Variants in KAZN observed in about 807,000 individuals in gnomAD.
KAZN encodes the protein kazrin, periplakin interacting protein.
In KAZN, 40 loss-of-function variants were observed where a neutral mutation model predicts 87.4. That is an observed-to-expected ratio of 0.46 (90% CI 0.36 to 0.60). The LOEUF is 0.60. Ranked by LOEUF, KAZN falls within the 20% of genes least tolerant of loss-of-function variation. The pLI is 0.00. For missense variants in KAZN, 898 were observed against 1,073.9 expected, an observed-to-expected ratio of 0.84 and a Z score of 2.29; for synonymous variants, 466 against 458.3, an observed-to-expected ratio of 1.02 and a Z score of -0.22.
At chr1:14,304,622 A>T in intron 2 of KAZN, 1 of 398,472 alleles carries the variant, frequency 2.5e-6, no homozygotes, top group Non-Finnish European at 4.4e-6. Flanking sequence ...CAATGAATTC[A>T]TTTCAATGCA....
intron 2 of KAZN, among the ~76,000 whole-genome samples, chr1:14,418,576 A>G (rs1665036735): frequency 6.6e-6 from 1 of 152,240 alleles, no homozygotes; most frequent in South Asian, 2.1e-4. Context: ...ACCATCAGGC[A>G]AGGAAAATGA....
chr1:14,885,261 A>G (rs1239542083), intron 1 of KAZN, among the ~76,000 whole-genome samples: 1 of 151,882 alleles, frequency 6.6e-6, no homozygotes, highest in African/African-American at 2.4e-5. Context: ...TTCGTGGCCC[A>G]GCTCCCCCTA....
At chr1:14,621,285 G>A (rs954675170) in intron 1 of KAZN, among the ~76,000 whole-genome samples, 1 of 152,230 alleles carries the variant, frequency 6.6e-6, no homozygotes, top group African/African-American at 2.4e-5. Flanking sequence ...TGTGCTGCAA[G>A]TGTATTATTT....
intron 2 of KAZN, among the ~76,000 whole-genome samples, chr1:14,443,148 G>C (rs947694433): frequency 2.6e-5 from 4 of 152,108 alleles, no homozygotes; most frequent in African/African-American, 9.7e-5. Flanking sequence ...AACGTGATCT[G>C]GGCTTCCCAA....
intron 2 of KAZN, among the ~76,000 whole-genome samples, chr1:14,514,584 T>TATAGGAAATATATA (rs1210009776): frequency 3.1e-5 from 1 of 32,076 alleles, no homozygotes; most frequent in Non-Finnish European, 6.1e-5. Context: ...TTTTATATAT[T>TATAGGAAATATATA]TTTTTATATT....
At chr1:14,944,209 G>A (rs1395085730) in intron 1 of KAZN, among the ~76,000 whole-genome samples, 3 of 134,258 alleles carry the variant, frequency 2.2e-5, no homozygotes, top group East Asian at 2.1e-4. Flanking sequence ...GCCTCTTCCC[G>A]CTCCCAGCTC....
Position 14,996,965 on chromosome 1 carries a change from C to T in KAZN, c.418+36090C>T, listed in dbSNP as rs1244647092. On this transcript the variant is annotated intron_variant, in intron 2 of 14. Transcript: ENST00000376030. The surrounding 1 kb of genome is among the most constrained non-coding windows in gnomAD (Gnocchi z 5.9). ...AATGCTCTGAGGCTGTGTGTTCCCC[C>T]AGGCACCCTGTGCTTTGCTGATCCC... 1.3e-5 allele frequency among the ~76,000 whole-genome samples: 2 copies of T among 152,188 alleles called. No homozygotes were observed. Among genetic ancestry groups the T allele is most frequent in the Admixed American group, 1.3e-4 (2 of 15,282 alleles).
chr1:14,940,095 T>C (rs569104338), intron 1 of KAZN, among the ~76,000 whole-genome samples: 2 of 152,290 alleles, frequency 1.3e-5, no homozygotes, highest in East Asian at 3.9e-4. Flanking sequence ...CAGGTGACCA[T>C]CTTGGTTCAG....
intron 2 of KAZN, among the ~76,000 whole-genome samples, chr1:14,296,363 C>G (rs1480593195): frequency 6.6e-6 from 1 of 152,098 alleles, no homozygotes; most frequent in Admixed American, 6.6e-5. Context: ...CTGCATCAGC[C>G]TGTCTGGGCC....
intron 1 of KAZN, among the ~76,000 whole-genome samples, chr1:14,842,544 A>G (rs1648145660): frequency 6.6e-6 from 1 of 152,188 alleles, no homozygotes. Flanking sequence ...TCATCGAGTG[A>G]AATATTCCCA....
At chr1:14,776,773 T>C (rs1407560236) in intron 1 of KAZN, among the ~76,000 whole-genome samples, 1 of 151,950 alleles carries the variant, frequency 6.6e-6, no homozygotes, top group African/African-American at 2.4e-5. Context: ...CAATCTGCTT[T>C]GTTTTGTTTT....
chr1:13,925,114 T>C (rs2100915823), intron 1 of KAZN, among the ~76,000 whole-genome samples: 1 of 152,288 alleles, frequency 6.6e-6, no homozygotes, highest in East Asian at 1.9e-4. Flanking sequence ...CGACCACTCA[T>C]CTGCTTTCTG....
At chr1:14,030,635 T>TACAC (rs60838104) in intron 1 of KAZN, among the ~76,000 whole-genome samples, 5,347 of 145,054 alleles carry the variant, frequency 0.037, 328 homozygotes, top group African/African-American at 0.12. Flanking sequence ...TGTACACAGA[T>TACAC]ACACACACAC....
intron 1 of KAZN, among the ~76,000 whole-genome samples, chr1:14,012,168 A>T (rs972363252): frequency 8.5e-5 from 13 of 152,124 alleles, no homozygotes; most frequent in African/African-American, 3.1e-4. Context: ...ATGTAACTAC[A>T]TGTAAATCAA....
chr1:14,333,090 TG>T (rs1239544793), intron 2 of KAZN, among the ~76,000 whole-genome samples: 2 of 152,068 alleles, frequency 1.3e-5, no homozygotes, highest in Non-Finnish European at 2.9e-5. Context: ...CCTGTGTCCA[TG>T]TGTTCTCATT....
chr1:14,447,873 G>A (rs1667070831), intron 2 of KAZN, among the ~76,000 whole-genome samples: 1 of 152,152 alleles, frequency 6.6e-6, no homozygotes, highest in Non-Finnish European at 1.5e-5. Context: ...ATGTGCCCAA[G>A]AGCTTCCAGC....
chr1:14,872,750 C>T (rs1306462143), intron 1 of KAZN, among the ~76,000 whole-genome samples: 3 of 151,520 alleles, frequency 2.0e-5, no homozygotes, highest in Admixed American at 1.3e-4. Context: ...ATGGATGGTT[C>T]GATGGATGGA....
At chr1:14,477,202 C>A (rs1668784062) in intron 2 of KAZN, among the ~76,000 whole-genome samples, 2 of 151,782 alleles carry the variant, frequency 1.3e-5, no homozygotes, top group African/African-American at 4.8e-5. Flanking sequence ...CTCACAAGAT[C>A]TGATGGTTTT....
chr1:14,803,177 A>G (rs1272605554), intron 1 of KAZN, among the ~76,000 whole-genome samples: 1 of 125,266 alleles, frequency 8.0e-6, no homozygotes, highest in Non-Finnish European at 1.6e-5. Context: ...TCATCTGCGC[A>G]GTGTCTGCTG....
Sources: gnomAD v4.1 joint callset for allele counts (sites outside exome capture counted in the v4.1 genomes callset) on GRCh38, gnomAD v4.1.1 for gene constraint, Gnocchi (gnomAD v3.1) non-coding constraint, MANE v1.5 for transcripts, NCBI Gene and HGNC (gene_info 2026-07-23, HGNC 2026-07-21) for gene names.